The following FGF12 variants were observed in gnomAD, a reference collection of about 807,000 sequenced individuals.
FGF12 encodes fibroblast growth factor 12.
A neutral mutation model predicts 23.6 loss-of-function variants in FGF12; 14 were observed. That is an observed-to-expected ratio of 0.59 (90% CI 0.39 to 0.93). The LOEUF is 0.93. FGF12 is among the 40% of genes least tolerant of loss of function. FGF12 has a pLI of 0.00. For missense variants in FGF12, 175 were observed against 217.8 expected (o/e 0.80, Z 1.24); for synonymous variants, 62 against 77.3 (o/e 0.80, Z 1.04).
chr3:192,240,761 G>A (rs1202387085), intron 4 of FGF12, among the ~76,000 whole-genome samples: 1 of 151,990 alleles, frequency 6.6e-6, no homozygotes, highest in African/African-American at 2.4e-5. Flanking sequence ...TTTCTCAGAG[G>A]TCTTTATCTC....
intron 2 of FGF12, among the ~76,000 whole-genome samples, chr3:192,591,803 A>T (rs937196715): frequency 1.1e-4 from 17 of 152,058 alleles, no homozygotes; most frequent in Admixed American, 3.3e-4. Flanking sequence ...CCTTCACGTT[A>T]TAGATGGAGA....
At chr3:192,349,649 C>T (rs1157765272) in intron 3 of FGF12, among the ~76,000 whole-genome samples, 2 of 152,032 alleles carry the variant, frequency 1.3e-5, no homozygotes, top group African/African-American at 4.8e-5. Flanking sequence ...AAAGTGTCTT[C>T]TTTTACTATT....
chr3:192,365,348 C>T (rs1422281927), intron 2 of FGF12, among the ~76,000 whole-genome samples: 16 of 149,796 alleles, frequency 1.1e-4, no homozygotes. Flanking sequence ...AAAGACATAA[C>T]AACTAAATGT....
At chr3:192,243,660 C>T (rs1270937749) in intron 4 of FGF12, among the ~76,000 whole-genome samples, 1 of 151,636 alleles carries the variant, frequency 6.6e-6, no homozygotes, top group Admixed American at 6.6e-5. Context: ...GAAGGTATTC[C>T]TCAGTAGGAG....
intron 2 of FGF12, among the ~76,000 whole-genome samples, chr3:192,453,444 C>A (rs73889341): frequency 0.13 from 19,129 of 151,814 alleles, 3,844 homozygotes; most frequent in African/African-American, 0.42. Context: ...AATGCCCCCC[C>A]CTTTTTAAAA....
chr3:192,702,435 T>C (rs747143764), intron 2 of FGF12, among the ~76,000 whole-genome samples: 8 of 152,230 alleles, frequency 5.3e-5, no homozygotes, highest in Non-Finnish European at 1.0e-4. Flanking sequence ...ATTATGTAAG[T>C]TGAAAACTTT....
At chr3:192,399,886 G>A (rs1164984865) in intron 2 of FGF12, among the ~76,000 whole-genome samples, 1 of 152,164 alleles carries the variant, frequency 6.6e-6, no homozygotes, top group Non-Finnish European at 1.5e-5. Context: ...GAAAAGTAAC[G>A]AAGAAAAGAC....
At chr3:192,716,009 T>C (rs1044624399) in intron 2 of FGF12, among the ~76,000 whole-genome samples, 10 of 152,270 alleles carry the variant, frequency 6.6e-5, no homozygotes, top group Non-Finnish European at 1.3e-4. Context: ...TATTCTGATA[T>C]TTCTGAATAA....
chr3:192,145,830 C>T (rs1463922309), intron 5 of FGF12, among the ~76,000 whole-genome samples: 1 of 152,070 alleles, frequency 6.6e-6, no homozygotes, highest in Non-Finnish European at 1.5e-5. Flanking sequence ...CTTTCTTCTT[C>T]TTTTTTTGTT....
At chr3:192,646,729 C>T (rs1716018496) in intron 2 of FGF12, among the ~76,000 whole-genome samples, 1 of 152,094 alleles carries the variant, frequency 6.6e-6, no homozygotes, top group African/African-American at 2.4e-5. Context: ...TGGGGAATGA[C>T]TGCTGAATGG....
intron 3 of FGF12, among the ~76,000 whole-genome samples, chr3:192,354,504 T>A (rs989099938): frequency 2.7e-5 from 4 of 150,036 alleles, no homozygotes; most frequent in Non-Finnish European, 4.5e-5. Flanking sequence ...AAAAGGTAAA[T>A]CACAACAAAG....
chr3:192,716,073 T>TA (rs1718856273), intron 2 of FGF12, among the ~76,000 whole-genome samples: 2 of 152,244 alleles, frequency 1.3e-5, no homozygotes, highest in African/African-American at 4.8e-5. Flanking sequence ...AAGAGAATCT[T>TA]AGACTAGATT....
In FGF12 at chr3:192,699,691, T is replaced by C. The variant is rs571539716; in HGVS notation, c.13+27490A>G. 1.4e-4 allele frequency among the ~76,000 whole-genome samples: 22 copies of C among 152,272 alleles called. 3 individuals carry two copies. In the South Asian group the frequency reaches 4.4e-3, roughly 30 times the overall value. ...AATTTATCCTGAGCTTGACCTCCCA[T>C]TCCAATTAATTTTGTGTAGTCAACT... On this transcript the variant is annotated intron_variant, in intron 2 of 5. Transcript: ENST00000445105.
At chr3:192,602,815 G>A (rs971223136) in intron 2 of FGF12, among the ~76,000 whole-genome samples, 1 of 151,574 alleles carries the variant, frequency 6.6e-6, no homozygotes, top group Non-Finnish European at 1.5e-5. Flanking sequence ...ACCAAATCCA[G>A]CAGCACACAA....
At chr3:192,259,727 T>C (rs1389877945) in intron 4 of FGF12, among the ~76,000 whole-genome samples, 1 of 152,108 alleles carries the variant, frequency 6.6e-6, no homozygotes, top group Non-Finnish European at 1.5e-5. Flanking sequence ...TTTTATAAGA[T>C]ACAAAAAGAC....
At chr3:192,508,514 T>G (rs538649171) in intron 2 of FGF12, among the ~76,000 whole-genome samples, 2 of 152,294 alleles carry the variant, frequency 1.3e-5, no homozygotes, top group Non-Finnish European at 2.9e-5. Flanking sequence ...AGAATAGAAC[T>G]TGCACCTTTC....
rs78236446 is a variant in FGF12, at chr3:192,193,754, A to G, written c.229-23098T>C. 3.3e-3 allele frequency among the ~76,000 whole-genome samples: 507 copies of G among 152,164 alleles called. 8 individuals carry two copies. Among genetic ancestry groups the G allele is most frequent in the East Asian group, 0.031 (162 of 5,178 alleles). ...GAAACACTTTTAAATACTAGAAAGC[A>G]GCCACTGTCTTCTTTTTTTTTTAAG... is the stretch of plus-strand genomic sequence containing the variant. On this transcript the variant is annotated intron_variant, in intron 4 of 5. Coordinates refer to ENST00000445105, the MANE Select transcript of FGF12 (RefSeq NM_004113.6).
intron 2 of FGF12, among the ~76,000 whole-genome samples, chr3:192,660,048 GACAC>G (rs939447647): frequency 6.6e-6 from 1 of 151,720 alleles, no homozygotes; most frequent in African/African-American, 2.4e-5. Flanking sequence ...CTGCTATAAA[GACAC>G]ACACACACGT....
At chr3:192,311,524 CTTTA>C (rs1305787022) in intron 4 of FGF12, among the ~76,000 whole-genome samples, 1 of 152,130 alleles carries the variant, frequency 6.6e-6, no homozygotes, top group Non-Finnish European at 1.5e-5. Flanking sequence ...ATATACCAAA[CTTTA>C]TTTATCCATT....
Sources: allele counts gnomAD v4.1 joint callset (sites outside exome capture counted in the v4.1 genomes callset), GRCh38; gene constraint gnomAD v4.1.1; transcripts MANE v1.5; gene names NCBI Gene and HGNC (gene_info 2026-07-23, HGNC 2026-07-21).